Variants in ABCE1 observed in about 807,000 individuals in gnomAD.
ABCE1 encodes the protein ATP-binding cassette sub-family E member 1.
ABCE1 carries 22 observed loss-of-function variants against 83.4 expected under a neutral mutation model. That is an observed-to-expected ratio of 0.26 (90% CI 0.19 to 0.38). The LOEUF (loss-of-function observed/expected upper bound fraction) is 0.38. ABCE1 is among the 10% of genes least tolerant of loss of function. The probability of loss-of-function intolerance (pLI) is 1.00; values close to 1 mark genes in which losing one functional copy is unlikely to be tolerated. For missense variants in ABCE1, 330 were observed against 721.9 expected, an observed-to-expected ratio of 0.46 and a Z score of 6.22; for synonymous variants, 204 against 233.7, an observed-to-expected ratio of 0.87 and a Z score of 1.16.
chr4:145,104,154 T>C (rs1579208913), intron 1 of ABCE1, among the ~76,000 whole-genome samples: 1 of 152,140 alleles, frequency 6.6e-6, no homozygotes, highest in East Asian at 1.9e-4. Context: ...GACATTTTTT[T>C]CTTTCCTTAT....
chr4:145,106,876 A>T (rs1749317699), intron 3 of ABCE1, among the ~76,000 whole-genome samples: 1 of 152,154 alleles, frequency 6.6e-6, no homozygotes, highest in African/African-American at 2.4e-5. Context: ...CTTTATTAGA[A>T]AACAAGAGTA....
rs1365680839 is a variant in ABCE1, at chr4:145,127,709, A to G, written c.*136A>G. 5.1e-6 allele frequency: 3 copies of G among 583,026 alleles called. No individual in the cohort carries two copies. Among genetic ancestry groups the G allele is most frequent in the Admixed American group, 8.6e-5 (2 of 23,324 alleles). 36.1% of individuals were successfully genotyped at this position (583,026 alleles called of 1,614,324 possible). On this transcript the variant is annotated 3_prime_UTR_variant, in exon 18 of 18. Transcript: ENST00000296577. ...AAGTATAATATACTTAATATAACAT[A>G]AAAAGCCAGTTGGGTTCTAAATTGT...
intron 9 of ABCE1, among the ~76,000 whole-genome samples, chr4:145,116,805 T>A (rs778510916): frequency 2.1e-4 from 32 of 152,068 alleles, no homozygotes; most frequent in Admixed American, 5.9e-4. Context: ...TATTTTGCCA[T>A]GTAATCTTTT....
intron 9 of ABCE1, among the ~76,000 whole-genome samples, chr4:145,114,909 T>C (rs904518934): frequency 2.0e-5 from 3 of 151,960 alleles, no homozygotes; most frequent in Non-Finnish European, 2.9e-5. Flanking sequence ...ATTCTGAAAT[T>C]TGATGGGTCA....
chr4:145,104,418 A>C lies in ABCE1; in HGVS notation c.6A>C (p.Ala2=). The C allele has an allele frequency of 6.3e-7, 1 of 1,598,280 alleles. No individual in the cohort carries two copies. The highest frequency in any genetic ancestry group is 1.7e-4 in the Middle Eastern group (1 of 5,992). Reference sequence around the variant, plus strand: ...GGATATTCTTTCGCCCAGTTATGGCAGACAAGTTAACGAGAATTGCTATTG... The same window carrying C: ...GGATATTCTTTCGCCCAGTTATGGCCGACAAGTTAACGAGAATTGCTATTG... M[A]DKLTRIAIVN... Residue 2 remains alanine (A), a synonymous_variant, in exon 2 of 18, where the codon GCA becomes GCC. Coordinates refer to ENST00000296577, the MANE Select transcript of ABCE1 (RefSeq NM_002940.3).
intron 9 of ABCE1, among the ~76,000 whole-genome samples, chr4:145,116,903 C>T (rs1253981386): frequency 3.3e-5 from 5 of 151,900 alleles, no homozygotes; most frequent in African/African-American, 1.2e-4. Flanking sequence ...TTTGTGTATG[C>T]GTCCATCCCC....
chr4:145,110,019 T>C, intron 5 of ABCE1, 84 bp from the exon 6 acceptor site: 1 of 1,228,580 alleles, frequency 8.1e-7, no homozygotes, highest in Non-Finnish European at 1.1e-6. Context: ...TATTTGCATA[T>C]ATAATCTATT....
chr4:145,113,888 G>A (rs1016526844), intron 9 of ABCE1, among the ~76,000 whole-genome samples: 1 of 152,042 alleles, frequency 6.6e-6, no homozygotes, highest in Non-Finnish European at 1.5e-5. Flanking sequence ...ACAGCAGAGA[G>A]AGAATAAAAT....
intron 1 of ABCE1, among the ~76,000 whole-genome samples, chr4:145,099,236 A>G (rs1560953676): frequency 6.6e-6 from 1 of 152,198 alleles, no homozygotes; most frequent in Non-Finnish European, 1.5e-5. Flanking sequence ...CCCACCTCCC[A>G]TTAACTACAT....
chr4:145,127,491 T>C, intron 17 of ABCE1, 35 bp from the exon 18 acceptor site: 1 of 1,564,782 alleles, frequency 6.4e-7, no homozygotes, highest in Non-Finnish European at 8.7e-7. Context: ...TAGAATCGTG[T>C]TGCTGATTTT....
At chr4:145,118,024 A>G (rs1749649817) in intron 10 of ABCE1, among the ~76,000 whole-genome samples, 2 of 151,742 alleles carry the variant, frequency 1.3e-5, no homozygotes, top group African/African-American at 4.8e-5. Flanking sequence ...AAAAGTACCA[A>G]TGTACTCTCT....
intron 9 of ABCE1, among the ~76,000 whole-genome samples, chr4:145,114,131 CAT>C (rs575635584): frequency 1.3e-3 from 201 of 152,164 alleles, no homozygotes; most frequent in Admixed American, 4.9e-3. Context: ...GAGACAATCT[CAT>C]GTGAGCCAAA....
intron 11 of ABCE1, 67 bp downstream of exon 11, chr4:145,120,220 T>C: frequency 7.1e-7 from 1 of 1,409,634 alleles, no homozygotes; most frequent in South Asian, 1.3e-5. Flanking sequence ...TTTAACTGTT[T>C]TGTGGAAAAA....
At chr4:145,110,496 A>C in intron 7 of ABCE1, 52 bp downstream of exon 7, 3 of 1,564,876 alleles carry the variant, frequency 1.9e-6, no homozygotes, top group Non-Finnish European at 2.6e-6. Context: ...ATTTTTTGAG[A>C]CGGAGTTTCG....
chr4:145,124,607 A>T (rs34592228), intron 16 of ABCE1, among the ~76,000 whole-genome samples: 65 of 152,222 alleles, frequency 4.3e-4, no homozygotes, highest in African/African-American at 1.5e-3. Flanking sequence ...TCCAGTAACA[A>T]ATTTTTCATA....
intron 1 of ABCE1, among the ~76,000 whole-genome samples, chr4:145,100,203 A>C (rs1413269234): frequency 6.6e-6 from 1 of 152,178 alleles, no homozygotes; most frequent in East Asian, 1.9e-4. Flanking sequence ...CTACTGTAAA[A>C]ATCAAGCCAG....
In ABCE1 at chr4:145,128,455, G is replaced by A. The variant is rs1230154366; in HGVS notation, c.*882G>A. The A allele has an allele frequency of 6.6e-6, 1 of 152,112 alleles. No individual in the cohort carries two copies. Among genetic ancestry groups the A allele is most frequent in the Non-Finnish European group, 1.5e-5 (1 of 68,006 alleles). 9.4% of individuals were successfully genotyped at this position (152,112 alleles called of 1,614,324 possible). A position where few individuals can be genotyped will look rare whatever the true frequency, so the allele number is the denominator to read the frequency against. On this transcript the variant is annotated 3_prime_UTR_variant, in exon 18 of 18. Transcript: ENST00000296577. ...TTTTTTAAGTTCCACAGATTTTTCT[G>A]TTGGGCAGCCAAGGATTATAAACCA... is the stretch of plus-strand genomic sequence containing the variant.
intron 9 of ABCE1, among the ~76,000 whole-genome samples, chr4:145,113,595 C>T (rs144970826): frequency 1.6e-4 from 25 of 152,074 alleles, no homozygotes; most frequent in Non-Finnish European, 2.2e-4. Context: ...GGAAACGGTC[C>T]GCAAATTAGC....
At chr4:145,123,805 A>G in intron 16 of ABCE1, 1 of 387,442 alleles carries the variant, frequency 2.6e-6, no homozygotes, top group East Asian at 4.0e-5. Flanking sequence ...CTCACCAGGA[A>G]GATAAAAAGC....
Sources: allele counts gnomAD v4.1 joint callset (sites outside exome capture counted in the v4.1 genomes callset), GRCh38; gene constraint gnomAD v4.1.1; transcripts MANE v1.5; gene names NCBI Gene and HGNC (gene_info 2026-07-23, HGNC 2026-07-21).